CPVL: variants seen among roughly 807,000 people sequenced by gnomAD.
The protein encoded by CPVL is probable serine carboxypeptidase CPVL.
CPVL carries 51 observed loss-of-function variants against 63.7 expected under a neutral mutation model. The ratio of observed to expected loss-of-function variants is 0.80; its 90% CI spans 0.64 to 1.01. The LOEUF (loss-of-function observed/expected upper bound fraction) is 1.01. CPVL is among the 50% of genes least tolerant of loss of function. The pLI is 0.00. For missense variants in CPVL, 530 were observed against 573.1 expected (o/e 0.92, Z 0.77); for synonymous variants, 195 against 206.0 (o/e 0.95, Z 0.46).
intron 11 of CPVL, among the ~76,000 whole-genome samples, chr7:29,060,266 CT>C (rs899021642): frequency 6.6e-6 from 1 of 152,188 alleles, no homozygotes; most frequent in African/African-American, 2.4e-5. Flanking sequence ...CACATAAATA[CT>C]GTTTTTATTC....
intron 2 of CPVL, among the ~76,000 whole-genome samples, chr7:29,115,367 C>T (rs1439920413): frequency 2.0e-5 from 3 of 152,052 alleles, no homozygotes; most frequent in Non-Finnish European, 4.4e-5. Context: ...TCTATCCCTC[C>T]TCCATCAGAA....
chr7:29,110,657 C>A (rs1788146473), intron 3 of CPVL, among the ~76,000 whole-genome samples: 1 of 152,146 alleles, frequency 6.6e-6, no homozygotes, highest in Admixed American at 6.5e-5. Context: ...CCATTTTGTA[C>A]AGAATAATAA....
chr7:29,136,943 T>G (rs1260294542), intron 1 of CPVL, among the ~76,000 whole-genome samples: 22 of 152,212 alleles, frequency 1.4e-4, no homozygotes, highest in Admixed American at 1.4e-3. Flanking sequence ...ATCTCCTAGA[T>G]GTTCTTCAAA....
At chr7:29,075,166 A>G (rs183916768) in intron 7 of CPVL, among the ~76,000 whole-genome samples, 2 of 152,184 alleles carry the variant, frequency 1.3e-5, no homozygotes, top group Admixed American at 1.3e-4. Flanking sequence ...TTAAGTTGCT[A>G]GGTAGGTAGT....
intron 7 of CPVL, among the ~76,000 whole-genome samples, chr7:29,079,535 G>A (rs980149844): frequency 3.9e-5 from 6 of 152,156 alleles, no homozygotes; most frequent in Non-Finnish European, 8.8e-5. Context: ...ATTAAACGAG[G>A]TAATGCATAA....
At chr7:29,049,939 C>G (rs1789982905) in intron 11 of CPVL, among the ~76,000 whole-genome samples, 1 of 152,122 alleles carries the variant, frequency 6.6e-6, no homozygotes, top group Non-Finnish European at 1.5e-5. Context: ...TCAACAGATG[C>G]AGAAAAAGCA....
chr7:29,009,163 C>A (rs1208649990), intron 12 of CPVL: 1 of 137,170 alleles, frequency 7.3e-6, no homozygotes, highest in Admixed American at 8.0e-5. Flanking sequence ...GTGTGTATGC[C>A]AGAGTCCTTC....
chr7:29,055,602 A>G (rs7799225), intron 11 of CPVL, among the ~76,000 whole-genome samples: 13,909 of 152,148 alleles, frequency 0.091, 1,910 homozygotes, highest in African/African-American at 0.3. Context: ...AGTTCCTAGC[A>G]CTGTGGGACC....
chr7:29,177,523 G>A (rs1797509606), intron 5 of CPVL, among the ~76,000 whole-genome samples: 1 of 150,810 alleles, frequency 6.6e-6, no homozygotes, highest in South Asian at 2.1e-4. Flanking sequence ...CACAGTGCTG[G>A]GATTACAGGC....
At chr7:29,034,853 G>GA (rs60558791) in intron 11 of CPVL, among the ~76,000 whole-genome samples, 23,596 of 123,870 alleles carry the variant, frequency 0.19, 2,301 homozygotes, top group East Asian at 0.3. Flanking sequence ...TTTTATAATG[G>GA]AAAAAAAAAA....
chr7:29,121,974 G>C (rs1250319855), intron 1 of CPVL, among the ~76,000 whole-genome samples: 1 of 152,080 alleles, frequency 6.6e-6, no homozygotes, highest in Non-Finnish European at 1.5e-5. Flanking sequence ...GCTTTCCAAA[G>C]ATCTTCAGAT....
chr7:29,062,596 T>A (rs1782734876), intron 11 of CPVL, among the ~76,000 whole-genome samples: 1 of 152,200 alleles, frequency 6.6e-6, no homozygotes, highest in Non-Finnish European at 1.5e-5. Flanking sequence ...ATGGGCCTCC[T>A]AGGTCTGGCA....
rs139560030 is a variant in CPVL at position 29,073,928 on chromosome 7, T to C, written c.610-1505A>G. 1.2e-3 allele frequency among the ~76,000 whole-genome samples: 177 copies of C among 152,362 alleles called. No homozygotes were observed. In the Middle Eastern group the frequency reaches 0.017, roughly 15 times the overall value. The stretch of plus-strand genomic sequence containing the variant: ...CAATGCATCTATGTTCAAAACAGAC[T>C]AGAGACATTATGTGGATACCTGTGA... On this transcript the variant is annotated intron_variant, in intron 7 of 12. Transcript: ENST00000265394.
upstream of CPVL, among the ~76,000 whole-genome samples, chr7:29,149,104 A>G (rs1204251285): frequency 6.6e-6 from 1 of 150,986 alleles, no homozygotes; most frequent in East Asian, 2.0e-4. Context: ...AGAAAATTAG[A>G]CTGGAGCCAG....
intron 1 of CPVL, among the ~76,000 whole-genome samples, chr7:29,142,639 C>T (rs1473841906): frequency 1.3e-5 from 2 of 151,784 alleles, no homozygotes; most frequent in African/African-American, 2.4e-5. Context: ...GATTCTCCCG[C>T]CTCAGCCTCC....
intron 9 of CPVL, among the ~76,000 whole-genome samples, chr7:29,068,170 A>G (rs527902491): frequency 1.3e-5 from 2 of 151,498 alleles, no homozygotes; most frequent in East Asian, 3.9e-4. Flanking sequence ...ACGCCCAGCT[A>G]ATTTTTTTTT....
intron 1 of CPVL, among the ~76,000 whole-genome samples, chr7:29,142,328 C>T (rs1791977773): frequency 6.6e-6 from 1 of 152,112 alleles, no homozygotes; most frequent in African/African-American, 2.4e-5. Flanking sequence ...CGTACATTCC[C>T]ATTCAACCAC....
intron 1 of CPVL, among the ~76,000 whole-genome samples, chr7:29,186,971 C>T (rs1484524580): frequency 6.6e-6 from 1 of 152,000 alleles, no homozygotes; most frequent in African/African-American, 2.4e-5. Context: ...CCTCAGTTTC[C>T]CCAAATGGAA....
rs750088071 is a variant in CPVL, at chr7:29,016,739, C to T, written c.1320+13838G>A. Among the ~76,000 whole-genome samples the T allele has an allele frequency of 1.1e-4, 16 of 152,222 alleles. No homozygotes were observed. In the East Asian group the frequency reaches 1.2e-3, roughly 11 times the overall value. On this transcript the variant is annotated intron_variant, in intron 12 of 12. Coordinates refer to ENST00000265394, the MANE Select transcript of CPVL (RefSeq NM_031311.5). ...AGGGCCATTGAGGAAGTGCCAGGGACGCCAGCATGCAGTGATCTTAAGTTG... is the reference window on the plus strand; with the variant it reads ...AGGGCCATTGAGGAAGTGCCAGGGATGCCAGCATGCAGTGATCTTAAGTTG...
Sources: gnomAD v4.1 joint callset for allele counts (sites outside exome capture counted in the v4.1 genomes callset) on GRCh38, gnomAD v4.1.1 for gene constraint, MANE v1.5 for transcripts, NCBI Gene and HGNC (gene_info 2026-07-23, HGNC 2026-07-21) for gene names.